The following GADL1 variants were observed in gnomAD, a reference collection of about 807,000 sequenced individuals.
The protein encoded by GADL1 is acidic amino acid decarboxylase GADL1.
In GADL1, 71 loss-of-function variants were observed where a neutral mutation model predicts 69.5. That is an observed-to-expected ratio of 1.02 (90% confidence interval 0.84 to 1.25). The LOEUF (loss-of-function observed/expected upper bound fraction) is 1.25, where lower values mean the gene tolerates loss of function less well. GADL1 is among the 50% of genes most tolerant of loss of function. The pLI is 0.00. For synonymous variants in GADL1, 254 were observed against 214.4 expected (o/e 1.18, Z -1.62); for missense variants, 737 against 631.8 (o/e 1.17, Z -1.79).
intron 13 of GADL1, among the ~76,000 whole-genome samples, chr3:30,779,258 G>A (rs1457370554): frequency 6.6e-6 from 1 of 152,210 alleles, no homozygotes; most frequent in Non-Finnish European, 1.5e-5. Context: ...AGGAAAGATT[G>A]TGTCATATGC....
At chr3:30,762,032 G>A (rs541340773) in intron 14 of GADL1, among the ~76,000 whole-genome samples, 10 of 152,180 alleles carry the variant, frequency 6.6e-5, no homozygotes, top group Non-Finnish European at 1.3e-4. Context: ...GCAATGTGAC[G>A]TGGGTAGGTG....
rs200376245 is a variant in GADL1, at chr3:30,747,607, AGTTT to A, written c.1393-19196_1393-19193del. 3.9e-3 allele frequency among the ~76,000 whole-genome samples: 593 copies of A among 152,254 alleles called. 3 individuals carry two copies. The highest frequency in any genetic ancestry group is 0.017 in the East Asian group (88 of 5,178). On this transcript the variant is annotated intron_variant, in intron 14 of 14. Transcript: ENST00000282538. ...TATTTTCTGAATCAAATGGATTTTT[AGTTT>A]GTTTGTTTGTTTGTTTGCTTTTAAA...
intron 1 of GADL1, among the ~76,000 whole-genome samples, chr3:30,866,295 C>CA (rs1314790648): frequency 1.3e-5 from 2 of 151,678 alleles, no homozygotes; most frequent in East Asian, 3.9e-4. Context: ...CTGTCTCTAC[C>CA]AAAAAATACA....
intron 6 of GADL1, among the ~76,000 whole-genome samples, chr3:30,848,700 C>T (rs1239559818): frequency 6.6e-6 from 1 of 152,146 alleles, no homozygotes; most frequent in Non-Finnish European, 1.5e-5. Flanking sequence ...TTAAGCCGTG[C>T]CATCTACTTC....
rs1425219660 is a variant in GADL1, at chr3:30,777,958, TACAG to T, written c.1392+217_1392+220del. On this transcript the variant is annotated intron_variant, in intron 14 of 14. Coordinates refer to ENST00000282538, the MANE Select transcript of GADL1 (RefSeq NM_207359.3). ...ACACTGTGAGCCAGAACTTCTACCT[TACAG>T]ACAACCTAATTGTTTTGGGTGTGTG... Among the ~76,000 whole-genome samples the T allele has an allele frequency of 2.0e-5, 3 of 152,190 alleles. No individual in the cohort carries two copies. In the East Asian group the frequency reaches 5.8e-4, roughly 29 times the overall value.
intron 9 of GADL1, among the ~76,000 whole-genome samples, chr3:30,835,233 T>C (rs17026647): frequency 0.05 from 7,654 of 152,008 alleles, 637 homozygotes; most frequent in African/African-American, 0.18. Flanking sequence ...TTAAGGAAGG[T>C]GACAATTTGG....
At chr3:30,876,531 C>T (rs746284498) in intron 1 of GADL1, among the ~76,000 whole-genome samples, 1 of 152,008 alleles carries the variant, frequency 6.6e-6, no homozygotes, top group Non-Finnish European at 1.5e-5. Flanking sequence ...CATGCCTCTG[C>T]ATGGGGAGCC....
chr3:30,757,765 C>T (rs1364349717), intron 14 of GADL1, among the ~76,000 whole-genome samples: 1 of 148,670 alleles, frequency 6.7e-6, no homozygotes, highest in East Asian at 1.9e-4. Flanking sequence ...AGTCCCCTCC[C>T]CTGTTTAAAC....
chr3:30,844,859 A>AG (rs1698028883), intron 6 of GADL1, among the ~76,000 whole-genome samples: 1 of 152,174 alleles, frequency 6.6e-6, no homozygotes, highest in Non-Finnish European at 1.5e-5. Context: ...AGGACACCGG[A>AG]GGCTGTTGTT....
intron 12 of GADL1, chr3:30,797,703 A>G (rs934641126): frequency 2.7e-5 from 4 of 150,444 alleles, no homozygotes; most frequent in Non-Finnish European, 4.4e-5. Flanking sequence ...GTAAGAAATG[A>G]TAGGGACTGT....
At chr3:30,857,173 T>A in intron 2 of GADL1, 32 bp from the exon 3 acceptor site, 3 of 1,545,974 alleles carry the variant, frequency 1.9e-6, no homozygotes, top group Non-Finnish European at 1.8e-6. Flanking sequence ...AAATTGAGTA[T>A]CCACCATAGC....
At chr3:30,842,070 G>T (rs114185700) in intron 8 of GADL1, among the ~76,000 whole-genome samples, 37 of 152,132 alleles carry the variant, frequency 2.4e-4, no homozygotes, top group Admixed American at 6.5e-4. Flanking sequence ...CAATGGTAGT[G>T]GGGGGAAAGA....
chr3:30,894,463 C>G, intron 1 of GADL1, 115 bp downstream of exon 1: 2 of 784,692 alleles, frequency 2.5e-6, no homozygotes, highest in Non-Finnish European at 4.0e-6. Context: ...TCTACCCACC[C>G]CAGCCGCTTT....
At chr3:30,747,320 C>A (rs929901600) in intron 14 of GADL1, among the ~76,000 whole-genome samples, 2 of 152,126 alleles carry the variant, frequency 1.3e-5, no homozygotes, top group Non-Finnish European at 2.9e-5. Flanking sequence ...AGACACACCA[C>A]GAGAAAATGT....
intron 14 of GADL1, among the ~76,000 whole-genome samples, chr3:30,775,021 ATGAG>A (rs1183392910): frequency 6.6e-6 from 1 of 151,498 alleles, no homozygotes; most frequent in African/African-American, 2.4e-5. Flanking sequence ...AGATATCATA[ATGAG>A]TGAGAGTCAG....
At chr3:30,740,119 G>C (rs1695595111) in intron 14 of GADL1, among the ~76,000 whole-genome samples, 1 of 152,162 alleles carries the variant, frequency 6.6e-6, no homozygotes, top group African/African-American at 2.4e-5. Context: ...CAAGGGGTAA[G>C]AAGAAAGCAA....
At chr3:30,779,755 G>C (rs1575201346) in intron 13 of GADL1, among the ~76,000 whole-genome samples, 1 of 152,226 alleles carries the variant, frequency 6.6e-6, no homozygotes, top group Admixed American at 6.5e-5. Flanking sequence ...TGTTATGTCA[G>C]TTATCAATTT....
intron 1 of GADL1, among the ~76,000 whole-genome samples, chr3:30,874,808 G>A (rs1266614151): frequency 6.6e-6 from 1 of 151,856 alleles, no homozygotes; most frequent in Non-Finnish European, 1.5e-5. Context: ...ACTCACTCTG[G>A]TTAAGTAAAG....
chr3:30,821,447 A>C (rs1697578710), intron 11 of GADL1, among the ~76,000 whole-genome samples: 1 of 152,032 alleles, frequency 6.6e-6, no homozygotes, highest in Admixed American at 6.6e-5. Context: ...AGCAGTAGAT[A>C]TGAAACTGGT....
Sources: allele counts gnomAD v4.1 joint callset (sites outside exome capture counted in the v4.1 genomes callset), GRCh38; gene constraint gnomAD v4.1.1; transcripts MANE v1.5; gene names NCBI Gene and HGNC (gene_info 2026-07-23, HGNC 2026-07-21).